The following OR4K17 variants were observed in gnomAD, a reference collection of about 807,000 sequenced individuals.
OR4K17 encodes olfactory receptor 4K17.
For missense variants in OR4K17, 480 were observed against 366.3 expected, an observed-to-expected ratio of 1.31 and a Z score of -2.53; for synonymous variants, 157 against 132.8, an observed-to-expected ratio of 1.18 and a Z score of -1.25.
rs1389173659 is a variant in OR4K17, at chr14:20,120,426, T to G, written c.*1988T>G. The G allele has an allele frequency of 6.6e-6, 1 of 152,224 alleles. No individual in the cohort carries two copies. The highest frequency in any genetic ancestry group is 1.5e-5 in the Non-Finnish European group (1 of 68,036). 9.4% of individuals were successfully genotyped at this position (152,224 alleles called of 1,614,324 possible). Reference sequence around the variant, plus strand: ...TGTATTTCAATTCAAAAAAACTGTGTGTCTGACTCCAAAAAGAAAATTATA... The same window carrying G: ...TGTATTTCAATTCAAAAAAACTGTGGGTCTGACTCCAAAAAGAAAATTATA... On this transcript the variant is annotated 3_prime_UTR_variant, in exon 2 of 2. Coordinates refer to ENST00000641386, the MANE Select transcript of OR4K17 (RefSeq NM_001004715.5).
At chr14:20,111,766 A>C (rs984845837) in intron 1 of OR4K17, 2 of 152,092 alleles carry the variant, frequency 1.3e-5, no homozygotes, top group Non-Finnish European at 2.9e-5. Flanking sequence ...AAAAAAGTAG[A>C]GAACTGTCCT....
chr14:20,118,428 A>G lies in OR4K17; in HGVS notation c.929A>G (p.Glu310Gly). 2 of 1,582,510 alleles carry G rather than the reference A, an allele frequency of 1.3e-6. No homozygotes were observed. Among genetic ancestry groups the G allele is most frequent in the African/African-American group, 1.4e-5 (1 of 73,826 alleles). ...KLWRAFVNSR[E>G]DT ...TGGAGAGCTTTTGTGAATTCTAGAG[A>G]AGATACTTAGATTAAAAATATAATG... is the stretch of plus-strand genomic sequence containing the variant. Residue 310 changes from glutamate to glycine, a missense_variant, in exon 2 of 2, where the codon GAA (glutamate) becomes GGA (glycine). By Grantham distance (98) the Glu-to-Gly change is moderately conservative. Coordinates refer to ENST00000641386, the MANE Select transcript of OR4K17 (RefSeq NM_001004715.5).
At position 20,118,254 on chromosome 14, in the gene OR4K17, G is replaced by A. The variant is rs758678196; in HGVS notation, c.755G>A (p.Gly252Asp). Residue 252 changes from glycine (G) to aspartate (D), a missense_variant, in exon 2 of 2, where the codon GGC becomes GAC. Coordinates refer to ENST00000641386, the MANE Select transcript of OR4K17 (RefSeq NM_001004715.5). ...AHITVVILFF[G>D]PCIFIYIWPF... is the part of the protein sequence containing the mutation. Reference sequence around the variant, plus strand: ...ATCACAGTGGTGATTCTCTTCTTTGGCCCATGCATCTTTATCTACATTTGG... The same window carrying A: ...ATCACAGTGGTGATTCTCTTCTTTGACCCATGCATCTTTATCTACATTTGG... 6 of 1,613,840 alleles carry A rather than the reference G, an allele frequency of 3.7e-6. No homozygotes were observed. In the East Asian group the frequency reaches 1.1e-4, roughly 30 times the overall value.
intron 1 of OR4K17, among the ~76,000 whole-genome samples, chr14:20,115,744 T>C (rs1333276132): frequency 1.3e-5 from 2 of 152,052 alleles, no homozygotes; most frequent in Non-Finnish European, 2.9e-5. Context: ...AATATTAATT[T>C]GGGGGAGGAC....
rs777875444 is a variant in OR4K17 at position 20,120,056 on chromosome 14, T to G, written c.*1618T>G. 1 of 152,204 alleles carries G rather than the reference T, an allele frequency of 6.6e-6. No homozygotes were observed. Among genetic ancestry groups the G allele is most frequent in the Non-Finnish European group, 1.5e-5 (1 of 68,026 alleles). The allele number at this position is 152,204 out of a possible 1,614,324, so 9.4% of individuals were successfully genotyped here. ...TTATAAAAGGTGTCAGAGACTCACTTGTCCTTCAGAGGAGCTTGATAGATA... is the reference window on the plus strand; with the variant it reads ...TTATAAAAGGTGTCAGAGACTCACTGGTCCTTCAGAGGAGCTTGATAGATA... On this transcript the variant is annotated 3_prime_UTR_variant, in exon 2 of 2. Transcript: ENST00000641386.
rs1566552840 is a variant in OR4K17, at chr14:20,118,387, A to T, written c.888A>T (p.Ile296=). 1.2e-6 allele frequency: 2 copies of T among 1,607,842 alleles called. No homozygotes were observed. The highest frequency in any genetic ancestry group is 2.7e-5 in the African/African-American group (2 of 74,682). The change falls in exon 2 of 2, where the codon ATA becomes ATT. Residue 296 remains isoleucine, a synonymous_variant. Transcript: ENST00000641386. ...IYTLRNKEMK[I]SMKKLWRAFV... is the part of the protein sequence containing the mutation. ...CTCTGAGAAACAAAGAAATGAAGAT[A>T]TCCATGAAAAAACTCTGGAGAGCTT...
Position 20,117,464 on chromosome 14 carries a change from A to G in OR4K17, c.-32-4A>G, listed in dbSNP as rs757269705. Reference sequence around the variant, plus strand: ...TATGAGTGATCTTTTCTTTCTCTCTACAGGTCATCCAAGAGCGAGCTGTAG... The same window carrying G: ...TATGAGTGATCTTTTCTTTCTCTCTGCAGGTCATCCAAGAGCGAGCTGTAG... On this transcript the variant is annotated splice_region_variant and splice_polypyrimidine_tract_variant and intron_variant, in intron 1 of 1. Coordinates refer to ENST00000641386, the MANE Select transcript of OR4K17 (RefSeq NM_001004715.5). The G allele has an allele frequency of 3.7e-6, 6 of 1,613,428 alleles. No individual in the cohort carries two copies. The highest frequency in any genetic ancestry group is 1.3e-5 in the African/African-American group (1 of 74,944).
chr14:20,117,112 G>A (rs922189716), intron 1 of OR4K17, among the ~76,000 whole-genome samples: 2 of 152,146 alleles, frequency 1.3e-5, no homozygotes, highest in Non-Finnish European at 2.9e-5. Context: ...AGTAGAGGTT[G>A]TGCTGAAACC....
In OR4K17 at chr14:20,118,200, C is replaced by G; in HGVS notation, c.701C>G (p.Ser234Cys). The change falls in exon 2 of 2, where the codon TCT (serine) becomes TGT (cysteine). Residue 234 changes from serine to cysteine, a missense_variant. Transcript: ENST00000641386. The part of the protein sequence containing the change: ...TIKNHSPTGQ[S>C]KARSTLTAHI... ...AAGAACCACTCTCCTACTGGGCAAT[C>G]TAAAGCCCGTTCCACTTTGACTGCT... The G allele has an allele frequency of 1.2e-6, 2 of 1,613,984 alleles. No individual in the cohort carries two copies. Among genetic ancestry groups the G allele is most frequent in the East Asian group, 4.5e-5 (2 of 44,872 alleles).
chr14:20,117,695 C>A lies in OR4K17; in HGVS notation c.196C>A (p.Leu66Ile). 1 of 1,613,988 alleles carries A rather than the reference C, an allele frequency of 6.2e-7. No homozygotes were observed. Among genetic ancestry groups the A allele is most frequent in the African/African-American group, 1.3e-5 (1 of 75,016 alleles). The change falls in exon 2 of 2, where the codon CTC (leucine) becomes ATC (isoleucine). Residue 66 changes from leucine to isoleucine, a missense_variant. Leu to Ile is a conservative substitution (Grantham distance 5). Transcript: ENST00000641386. ...NTPMYFLLGN[L>I]SFVDMTLASF... Reference sequence around the variant, plus strand: ...TCCCATGTATTTTCTCCTTGGTAATCTCTCTTTTGTAGATATGACCCTTGC... The same window carrying A: ...TCCCATGTATTTTCTCCTTGGTAATATCTCTTTTGTAGATATGACCCTTGC...
intron 1 of OR4K17, 82 bp from the exon 2 acceptor site, chr14:20,117,386 T>C: frequency 6.6e-7 from 1 of 1,515,220 alleles, no homozygotes; most frequent in Non-Finnish European, 8.9e-7. Flanking sequence ...TCCAAAGGAA[T>C]GCATAAGTTT....
In OR4K17 at chr14:20,117,553, C is replaced by T; in HGVS notation, c.54C>T (p.Thr18=). ...QVSEFILLGL[T]SSQDVEFLLF... ...CAGAATTCATTTTGCTGGGACTGAC[C>T]AGCTCCCAGGATGTAGAGTTTCTTC... is the stretch of plus-strand genomic sequence containing the variant. The change falls in exon 2 of 2, where the codon ACC becomes ACT. Residue 18 remains threonine, a synonymous_variant. Transcript: ENST00000641386. The T allele has an allele frequency of 1.2e-6, 2 of 1,613,882 alleles. No homozygotes were observed. The highest frequency in any genetic ancestry group is 1.7e-6 in the Non-Finnish European group (2 of 1,179,908).
intron 1 of OR4K17, among the ~76,000 whole-genome samples, chr14:20,112,666 T>A (rs1877906380): frequency 6.6e-6 from 1 of 152,050 alleles, no homozygotes; most frequent in South Asian, 2.1e-4. Context: ...CCAGCTCAAG[T>A]CCTTGAACCT....
intron 1 of OR4K17, 143 bp from the exon 2 acceptor site, chr14:20,117,325 T>C (rs958335157): frequency 2.1e-6 from 2 of 955,580 alleles, no homozygotes; most frequent in Non-Finnish European, 3.1e-6. Context: ...GTCTCCTTTT[T>C]CAGACTTAAT....
intron 1 of OR4K17, among the ~76,000 whole-genome samples, chr14:20,117,227 T>A: frequency 6.6e-6 from 1 of 152,200 alleles, no homozygotes; most frequent in Non-Finnish European, 1.5e-5. Context: ...TACACTTATA[T>A]GCTCCAGAGC....
chr14:20,114,536 G>C (rs544507640), intron 1 of OR4K17, among the ~76,000 whole-genome samples: 1 of 152,060 alleles, frequency 6.6e-6, no homozygotes, highest in Admixed American at 6.6e-5. Context: ...AATATAAAAC[G>C]TATTTAAATC....
Position 20,118,213 on chromosome 14 carries a change from C to T in OR4K17, c.714C>T (p.Ser238=), listed in dbSNP as rs766868248. ...CTACTGGGCAATCTAAAGCCCGTTC[C>T]ACTTTGACTGCTCACATCACAGTGG... ...HSPTGQSKAR[S]TLTAHITVVI... The change falls in exon 2 of 2, where the codon TCC becomes TCT. Residue 238 remains serine (S), a synonymous_variant. Coordinates refer to ENST00000641386, the MANE Select transcript of OR4K17 (RefSeq NM_001004715.5). 1 of 1,613,914 alleles carries T rather than the reference C, an allele frequency of 6.2e-7. No individual in the cohort carries two copies. Among genetic ancestry groups the T allele is most frequent in the Non-Finnish European group, 8.5e-7 (1 of 1,179,782 alleles).
chr14:20,117,862 C>A lies in OR4K17; in HGVS notation c.363C>A (p.Asp121Glu), dbSNP rs1878043043. The change falls in exon 2 of 2, where the codon GAC becomes GAA. Residue 121 changes from aspartate to glutamate, a missense_variant. Transcript: ENST00000641386. ...TACTGTTGGTCTCCATGGCTTTTGACAGATATGTGGCCATTTGTAAGCCCC... is the reference window on the plus strand; with the variant it reads ...TACTGTTGGTCTCCATGGCTTTTGAAAGATATGTGGCCATTTGTAAGCCCC... ...EMVLLVSMAF[D>E]RYVAICKPLH... 6.2e-7 allele frequency: 1 copy of A among 1,613,946 alleles called. No homozygotes were observed.
In OR4K17 at chr14:20,120,259, A is replaced by G. The variant is rs1878130889; in HGVS notation, c.*1821A>G. The G allele has an allele frequency of 1.3e-5, 2 of 152,210 alleles. No homozygotes were observed. The highest frequency in any genetic ancestry group is 1.3e-4 in the Admixed American group (2 of 15,276). 9.4% of individuals were successfully genotyped at this position (152,210 alleles called of 1,614,324 possible). A position where few individuals can be genotyped will look rare whatever the true frequency, so the allele number is the denominator to read the frequency against. ...AATGTCTAAGTCAGCACTCATATGC[A>G]GTGTCTCCTAAGAAACCAGTAATTC... On this transcript the variant is annotated 3_prime_UTR_variant, in exon 2 of 2. Coordinates refer to ENST00000641386, the MANE Select transcript of OR4K17 (RefSeq NM_001004715.5).
Sources: allele counts gnomAD v4.1 joint callset (sites outside exome capture counted in the v4.1 genomes callset), GRCh38; gene constraint gnomAD v4.1.1; transcripts MANE v1.5; gene names NCBI Gene and HGNC (gene_info 2026-07-23, HGNC 2026-07-21).